The following NEGR1 variants were observed in gnomAD, a reference collection of about 807,000 sequenced individuals.
The protein encoded by NEGR1 is neuronal growth regulator 1.
A neutral mutation model predicts 40.9 loss-of-function variants in NEGR1; 10 were observed. That is an observed-to-expected ratio of 0.24 (90% CI 0.15 to 0.42). The LOEUF is 0.42. Among genes scored for constraint, NEGR1 ranks in the 10% least tolerant of loss-of-function variants. NEGR1 has a pLI of 1.00. For synonymous variants in NEGR1, 185 were observed against 166.8 expected (o/e 1.11, Z -0.84); for missense variants, 352 against 438.9 (o/e 0.80, Z 1.77).
intron 3 of NEGR1, 74 bp downstream of exon 3, chr1:71,776,098 T>C (rs781612227): frequency 8.8e-6 from 10 of 1,132,102 alleles, no homozygotes; most frequent in Non-Finnish European, 1.2e-5. Context: ...TCTTAAGTTC[T>C]GAACAAGTGA....
intron 6 of NEGR1, among the ~76,000 whole-genome samples, chr1:71,497,282 C>A (rs1244406640): frequency 6.6e-6 from 1 of 152,132 alleles, no homozygotes; most frequent in Non-Finnish European, 1.5e-5. Context: ...GCAATGCACA[C>A]AATCTTTACA....
chr1:72,119,400 G>A (rs1344400052), intron 1 of NEGR1, among the ~76,000 whole-genome samples: 2 of 151,718 alleles, frequency 1.3e-5, no homozygotes, highest in Non-Finnish European at 2.9e-5. Flanking sequence ...GACAAAACTG[G>A]AAATTAGCAT....
At chr1:72,159,275 A>G (rs1020471884) in intron 1 of NEGR1, among the ~76,000 whole-genome samples, 3 of 152,142 alleles carry the variant, frequency 2.0e-5, no homozygotes, top group Non-Finnish European at 4.4e-5. Context: ...CGTAACCTCT[A>G]TCCTCGTAAG....
Position 71,850,872 on chromosome 1 carries a change from A to T in NEGR1, c.410-74575T>A, listed in dbSNP as rs568564971. On this transcript the variant is annotated intron_variant, in intron 2 of 6. Coordinates refer to ENST00000357731, the MANE Select transcript of NEGR1 (RefSeq NM_173808.3). ...TAAAACATACTTAAAAAGAAGCCCA[A>T]TCCTGAAGCACTCAAGGCTGAGACT... is the stretch of plus-strand genomic sequence containing the variant. 1.2e-4 allele frequency among the ~76,000 whole-genome samples: 19 copies of T among 152,260 alleles called. No individual in the cohort carries two copies. The East Asian group carries it at 2.3e-3, about 19-fold the overall frequency.
At chr1:71,470,556 T>A (rs1409112334) in intron 6 of NEGR1, among the ~76,000 whole-genome samples, 1 of 152,172 alleles carries the variant, frequency 6.6e-6, no homozygotes, top group South Asian at 2.1e-4. Flanking sequence ...AGACTTCATA[T>A]GACTACTGCT....
At chr1:71,602,898 T>C (rs552160592) in intron 5 of NEGR1, among the ~76,000 whole-genome samples, 8 of 152,350 alleles carry the variant, frequency 5.3e-5, no homozygotes, top group Non-Finnish European at 1.0e-4. Context: ...GTAGCTGAAA[T>C]GCTTTCAGTT....
At chr1:71,471,184 A>C (rs1646779366) in intron 6 of NEGR1, among the ~76,000 whole-genome samples, 2 of 152,168 alleles carry the variant, frequency 1.3e-5, no homozygotes, top group South Asian at 4.1e-4. Context: ...ACAATAAATA[A>C]ATTAAATATA....
chr1:71,433,630 A>T lies in NEGR1; in HGVS notation c.941-26060T>A, dbSNP rs571070096. Among the ~76,000 whole-genome samples the T allele has an allele frequency of 3.9e-4, 59 of 152,364 alleles. No homozygotes were observed. In the South Asian group the frequency reaches 6.2e-3, roughly 16 times the overall value. On this transcript the variant is annotated intron_variant, in intron 6 of 6. Coordinates refer to ENST00000357731, the MANE Select transcript of NEGR1 (RefSeq NM_173808.3). Reference sequence around the variant, plus strand: ...AGATGCAAAAGCAGAAACCCTGATAAGACCAACAGATCTCCTGAGACTTAA... The same window carrying T: ...AGATGCAAAAGCAGAAACCCTGATATGACCAACAGATCTCCTGAGACTTAA...
chr1:71,685,424 G>A (rs939832517), intron 4 of NEGR1, among the ~76,000 whole-genome samples: 5 of 151,142 alleles, frequency 3.3e-5, no homozygotes, highest in African/African-American at 1.2e-4. Context: ...CTGGGTTCAA[G>A]CGATTCGCCT....
At chr1:71,669,514 G>C (rs543975621) in intron 4 of NEGR1, among the ~76,000 whole-genome samples, 1 of 151,990 alleles carries the variant, frequency 6.6e-6, no homozygotes, top group African/African-American at 2.4e-5. Context: ...TTACTGGATA[G>C]TCAAGCTTGC....
chr1:71,980,195 A>G (rs1224691637), intron 1 of NEGR1, among the ~76,000 whole-genome samples: 3 of 152,174 alleles, frequency 2.0e-5, no homozygotes, highest in Non-Finnish European at 4.4e-5. Flanking sequence ...GTAGTGGGAA[A>G]GCCTGTATTA....
intron 1 of NEGR1, among the ~76,000 whole-genome samples, chr1:72,196,485 G>A (rs975917470): frequency 2.0e-5 from 3 of 151,824 alleles, no homozygotes; most frequent in African/African-American, 4.8e-5. Flanking sequence ...AAAAATAATC[G>A]CTGGCTGGGC....
intron 1 of NEGR1, among the ~76,000 whole-genome samples, chr1:72,221,543 AT>A (rs996794117): frequency 6.6e-6 from 1 of 152,116 alleles, no homozygotes; most frequent in Non-Finnish European, 1.5e-5. Context: ...GCATTTCCTA[AT>A]TTTTTTCTGT....
intron 2 of NEGR1, among the ~76,000 whole-genome samples, chr1:71,836,144 C>CA: frequency 6.6e-6 from 1 of 151,664 alleles, no homozygotes; most frequent in East Asian, 2.0e-4. Context: ...CCCAAATAGA[C>CA]AAAATCCAGG....
chr1:71,639,362 C>T (rs1651271122), intron 4 of NEGR1, among the ~76,000 whole-genome samples: 1 of 152,042 alleles, frequency 6.6e-6, no homozygotes, highest in South Asian at 2.1e-4. Context: ...CAATGTGCAG[C>T]TACAAAGAGC....
At chr1:72,100,117 A>G (rs1905978) in intron 1 of NEGR1, among the ~76,000 whole-genome samples, 23,324 of 152,184 alleles carry the variant, frequency 0.15, 1,971 homozygotes, top group African/African-American at 0.18. Context: ...TGCACTTGTA[A>G]ATTCTGTCTG....
At chr1:71,512,211 T>C (rs775556631) in intron 6 of NEGR1, among the ~76,000 whole-genome samples, 3 of 152,192 alleles carry the variant, frequency 2.0e-5, no homozygotes, top group Non-Finnish European at 4.4e-5. Context: ...AATGGATCTT[T>C]TCTGATATGA....
chr1:72,133,228 A>G (rs1166348025), intron 1 of NEGR1, among the ~76,000 whole-genome samples: 1 of 152,120 alleles, frequency 6.6e-6, no homozygotes, highest in African/African-American at 2.4e-5. Context: ...TTAAATTTAA[A>G]TGTAGAGTTC....
At chr1:71,546,383 T>G (rs1647896407) in intron 6 of NEGR1, among the ~76,000 whole-genome samples, 2 of 151,614 alleles carry the variant, frequency 1.3e-5, no homozygotes, top group African/African-American at 2.4e-5. Flanking sequence ...CAAAGATAAA[T>G]AAGACAGCAT....
Sources: allele counts gnomAD v4.1 joint callset (sites outside exome capture counted in the v4.1 genomes callset), GRCh38; gene constraint gnomAD v4.1.1; transcripts MANE v1.5; gene names NCBI Gene and HGNC (gene_info 2026-07-23, HGNC 2026-07-21).